Variants in WEE2 observed in about 807,000 individuals in gnomAD.
WEE2 encodes the protein wee1-like protein kinase 2.
In WEE2, 50 loss-of-function variants were observed where a neutral mutation model predicts 60.1. That is an observed-to-expected ratio of 0.83 (90% CI 0.66 to 1.05). WEE2 has a LOEUF of 1.05. Among genes scored for constraint, WEE2 ranks in the 50% least tolerant of loss-of-function variants. The pLI is 0.00. For missense variants in WEE2, 631 were observed against 684.3 expected (o/e 0.92, Z 0.87); for synonymous variants, 240 against 241.0 (o/e 1.00, Z 0.04).
At position 141,721,028 on chromosome 7, in the gene WEE2, C is replaced by T. The variant is rs1283576311; in HGVS notation, c.852C>T (p.His284=). The part of the protein sequence containing the change: ...RYYSSWAEDD[H]MIIQNEYCNG... Reference sequence around the variant, plus strand: ...ATTCCTCATGGGCAGAAGATGACCACATGATCATTCAGAATGAATACTGCA... The same window carrying T: ...ATTCCTCATGGGCAGAAGATGACCATATGATCATTCAGAATGAATACTGCA... The change falls in exon 5 of 12, where the codon CAC becomes CAT. Residue 284 remains histidine (H), a synonymous_variant. Transcript: ENST00000397541. 4 of 1,614,182 alleles carry T rather than the reference C, an allele frequency of 2.5e-6. No individual in the cohort carries two copies. Among genetic ancestry groups the T allele is most frequent in the Admixed American group, 1.7e-5 (1 of 60,028 alleles).
intron 2 of WEE2, 65 bp from the exon 3 acceptor site, chr7:141,716,157 C>G: frequency 7.3e-7 from 1 of 1,370,080 alleles, no homozygotes; most frequent in Non-Finnish European, 1.0e-6. Flanking sequence ...TCCCTAGAAC[C>G]TAGCATAGTT....
intron 6 of WEE2, 149 bp downstream of exon 6, chr7:141,723,429 G>A (rs1442549878): frequency 1.1e-6 from 1 of 943,934 alleles, no homozygotes; most frequent in Non-Finnish European, 1.6e-6. Flanking sequence ...AAAAAAATCA[G>A]TTAAATAGTT....
At chr7:141,728,087 A>T (rs1799052583) in intron 10 of WEE2, 1 of 152,170 alleles carries the variant, frequency 6.6e-6, no homozygotes, top group Admixed American at 6.5e-5. Context: ...GATATTCCCA[A>T]ATGTGGAAAA....
intron 3 of WEE2, among the ~76,000 whole-genome samples, chr7:141,718,085 G>C (rs907602835): frequency 6.6e-6 from 1 of 152,164 alleles, no homozygotes; most frequent in African/African-American, 2.4e-5. Flanking sequence ...GCTTGAGACT[G>C]GCTAAGGGTA....
chr7:141,719,883 T>C (rs1798875465), intron 4 of WEE2, among the ~76,000 whole-genome samples: 1 of 152,196 alleles, frequency 6.6e-6, no homozygotes, highest in Admixed American at 6.5e-5. Flanking sequence ...ATCAGAAATA[T>C]TACCAAATAG....
intron 1 of WEE2, among the ~76,000 whole-genome samples, chr7:141,709,882 TG>T (rs1798684910): frequency 1.3e-5 from 2 of 152,138 alleles, no homozygotes; most frequent in African/African-American, 4.8e-5. Flanking sequence ...TCTGGTGCCA[TG>T]GTGTGTGAGT....
chr7:141,727,449 A>T lies in WEE2; in HGVS notation c.1535+3A>T, dbSNP rs778680027. 3.1e-6 allele frequency: 5 copies of T among 1,613,834 alleles called. No individual in the cohort carries two copies. Among genetic ancestry groups the T allele is most frequent in the Non-Finnish European group, 4.2e-6 (5 of 1,179,926 alleles). ...TTCAAGACTGCCACACTGGAAAGGT[A>T]TATTTTTGGATGATGGGGGGTCAAG... On this transcript the variant is annotated splice_donor_region_variant and intron_variant, in intron 10 of 11. Coordinates refer to ENST00000397541, the MANE Select transcript of WEE2 (RefSeq NM_001105558.1).
At chr7:141,721,654 G>A (rs2117116684) in intron 5 of WEE2, among the ~76,000 whole-genome samples, 1 of 151,926 alleles carries the variant, frequency 6.6e-6, no homozygotes, top group South Asian at 2.1e-4. Flanking sequence ...AATAGAGGCG[G>A]GGTTTCCCCA....
At chr7:141,710,780 C>T (rs931749205) in intron 1 of WEE2, among the ~76,000 whole-genome samples, 20 of 152,208 alleles carry the variant, frequency 1.3e-4, no homozygotes, top group African/African-American at 4.3e-4. Flanking sequence ...TTCAGTGTGA[C>T]GGGCCTGTGT....
chr7:141,719,000 T>C, intron 3 of WEE2, 72 bp from the exon 4 acceptor site: 3 of 1,484,856 alleles, frequency 2.0e-6, no homozygotes, highest in Non-Finnish European at 1.8e-6. Flanking sequence ...CTTAGGACTG[T>C]AATACTGTTT....
intron 6 of WEE2, 93 bp downstream of exon 6, chr7:141,723,373 G>A: frequency 7.2e-7 from 1 of 1,385,966 alleles, no homozygotes; most frequent in Non-Finnish European, 9.8e-7. Flanking sequence ...AAGTGTCAAG[G>A]ACGGTGTTTG....
At chr7:141,724,417 G>A in intron 8 of WEE2, 142 bp downstream of exon 8, 1 of 740,586 alleles carries the variant, frequency 1.4e-6, no homozygotes, top group South Asian at 2.1e-5. Flanking sequence ...ACCAAAGATA[G>A]GAGAGAAACT....
At chr7:141,720,503 T>C (rs1798891027) in intron 4 of WEE2, among the ~76,000 whole-genome samples, 1 of 152,222 alleles carries the variant, frequency 6.6e-6, no homozygotes, top group Admixed American at 6.5e-5. Context: ...AAAGGCCCAT[T>C]GCAATATCCA....
At position 141,708,849 on chromosome 7, in the gene WEE2, G is replaced by C; in HGVS notation, c.91G>C (p.Glu31Gln). 6.2e-7 allele frequency: 1 copy of C among 1,614,176 alleles called. No homozygotes were observed. The highest frequency in any genetic ancestry group is 8.5e-7 in the Non-Finnish European group (1 of 1,180,028). Reference sequence around the variant, plus strand: ...TGAGATTGAAGGGCAGAAGAAAGTAGAAGAAAGCAGGGAGGCTTCGAGCCA... The same window carrying C: ...TGAGATTGAAGGGCAGAAGAAAGTACAAGAAAGCAGGGAGGCTTCGAGCCA... ...ETEIEGQKKV[E>Q]ESREASSQTP... Residue 31 changes from glutamate to glutamine, a missense_variant, in exon 1 of 12, where the codon GAA becomes CAA. Glu to Gln is a conservative substitution (Grantham distance 29, BLOSUM62 2). Transcript: ENST00000397541.
rs1190617360 is a variant in WEE2, at chr7:141,721,047, T to C, written c.871T>C (p.Tyr291His). Residue 291 changes from tyrosine to histidine, a missense_variant, in exon 5 of 12, where the codon TAC becomes CAC. Transcript: ENST00000397541. Reference sequence around the variant, plus strand: ...TGACCACATGATCATTCAGAATGAATACTGCAATGGTAAGTAGTATATAGA... The same window carrying C: ...TGACCACATGATCATTCAGAATGAACACTGCAATGGTAAGTAGTATATAGA... ...EDDHMIIQNE[Y>H]CNGGSLQAAI... 2 of 1,614,098 alleles carry C rather than the reference T, an allele frequency of 1.2e-6. No homozygotes were observed. Among genetic ancestry groups the C allele is most frequent in the Admixed American group, 1.7e-5 (1 of 60,004 alleles).
At chr7:141,723,593 T>C (rs1798958994) in intron 6 of WEE2, among the ~76,000 whole-genome samples, 1 of 152,204 alleles carries the variant, frequency 6.6e-6, no homozygotes. Flanking sequence ...AGGGCTATAC[T>C]CATTCTAACT....
Position 141,709,107 on chromosome 7 carries a change from A to C in WEE2, c.342+7A>C. 6.2e-7 allele frequency: 1 copy of C among 1,609,642 alleles called. No homozygotes were observed. Among genetic ancestry groups the C allele is most frequent in the East Asian group, 2.2e-5 (1 of 44,816 alleles). ...CAGCCCCTCTACTCCCAAAGTAAGT[A>C]AGGGGTGGGGGAAAAAGGGACGCAG... On this transcript the variant is annotated splice_region_variant and intron_variant, in intron 1 of 11. Coordinates refer to ENST00000397541, the MANE Select transcript of WEE2 (RefSeq NM_001105558.1).
chr7:141,724,795 C>A (rs1251132745), intron 8 of WEE2, among the ~76,000 whole-genome samples: 1 of 152,194 alleles, frequency 6.6e-6, no homozygotes, highest in African/African-American at 2.4e-5. Context: ...AGCCTGACAG[C>A]AAAATGGCAG....
At chr7:141,722,990 C>A in intron 5 of WEE2, 144 bp from the exon 6 acceptor site, 3 of 993,658 alleles carry the variant, frequency 3.0e-6, no homozygotes, top group Non-Finnish European at 4.5e-6. Flanking sequence ...CCATTTTATA[C>A]AAGGCTCTTG....
Sources: allele counts gnomAD v4.1 joint callset (sites outside exome capture counted in the v4.1 genomes callset), GRCh38; gene constraint gnomAD v4.1.1; transcripts MANE v1.5; gene names NCBI Gene and HGNC (gene_info 2026-07-23, HGNC 2026-07-21).